SEMA6D: variants seen among roughly 807,000 people sequenced by gnomAD.
SEMA6D encodes the protein semaphorin-6D.
In SEMA6D, 35 loss-of-function variants were observed where a neutral mutation model predicts 106.6. That is an observed-to-expected ratio of 0.33 (90% CI 0.25 to 0.44). The LOEUF (loss-of-function observed/expected upper bound fraction) is 0.44, where lower values mean the gene tolerates loss of function less well. Among genes scored for constraint, SEMA6D ranks in the 20% least tolerant of loss-of-function variants. The pLI is 1.00. For synonymous variants in SEMA6D, 499 were observed against 487.7 expected, an observed-to-expected ratio of 1.02 and a Z score of -0.31; for missense variants, 1,185 against 1,345.9, an observed-to-expected ratio of 0.88 and a Z score of 1.87.
At chr15:47,310,952 T>C (rs1232718637) in intron 1 of SEMA6D, among the ~76,000 whole-genome samples, 1 of 152,220 alleles carries the variant, frequency 6.6e-6, no homozygotes, top group Non-Finnish European at 1.5e-5. Flanking sequence ...ATATACTGCC[T>C]AAATTCTTGG....
At chr15:47,491,653 G>T (rs2043480145) in intron 3 of SEMA6D, among the ~76,000 whole-genome samples, 1 of 152,038 alleles carries the variant, frequency 6.6e-6, no homozygotes. Context: ...ATTTTTAAAT[G>T]GAAATAAGGT....
At chr15:47,259,996 T>TG (rs201956760) in intron 1 of SEMA6D, among the ~76,000 whole-genome samples, 80 of 148,376 alleles carry the variant, frequency 5.4e-4, no homozygotes, top group South Asian at 1.5e-3. Context: ...CCATTTAGCA[T>TG]GTTTTTTTTT....
chr15:47,667,131 C>G (rs1295327291), intron 4 of SEMA6D, among the ~76,000 whole-genome samples: 1 of 152,186 alleles, frequency 6.6e-6, no homozygotes, highest in Non-Finnish European at 1.5e-5. Context: ...ACAACCAAGC[C>G]CCTTCTGCCA....
chr15:47,429,577 T>G (rs1475759319), intron 2 of SEMA6D, among the ~76,000 whole-genome samples: 6 of 152,082 alleles, frequency 3.9e-5, no homozygotes, highest in African/African-American at 1.4e-4. Flanking sequence ...ACCAACAAAA[T>G]TATGCATTGA....
Position 47,617,813 on chromosome 15 carries a change from G to A in SEMA6D, c.-55+16917G>A, listed in dbSNP as rs181602587. ...TTGAGTTAATCTATATAAACACTTA[G>A]AACATTGCCTGGCACAAAGCAAGAG... On this transcript the variant is annotated intron_variant, in intron 4 of 19. Transcript: ENST00000558014. Among the ~76,000 whole-genome samples the A allele has an allele frequency of 3.4e-3, 511 of 152,302 alleles. 1 individual carries two copies. The highest frequency in any genetic ancestry group is 6.8e-3 in the Middle Eastern group (2 of 294).
intron 3 of SEMA6D, among the ~76,000 whole-genome samples, chr15:47,526,339 G>A (rs528021302): frequency 2.0e-5 from 3 of 152,130 alleles, no homozygotes; most frequent in Non-Finnish European, 2.9e-5. Flanking sequence ...AGGAAAGCTG[G>A]AAAGGGGGGT....
At chr15:47,645,605 C>T (rs1355290003) in intron 4 of SEMA6D, among the ~76,000 whole-genome samples, 3 of 152,060 alleles carry the variant, frequency 2.0e-5, no homozygotes, top group Non-Finnish European at 4.4e-5. Context: ...AGCAGTACCT[C>T]AGCGGACACC....
chr15:47,211,263 C>T (rs536623997), intron 1 of SEMA6D, among the ~76,000 whole-genome samples: 1 of 152,206 alleles, frequency 6.6e-6, no homozygotes, highest in East Asian at 1.9e-4. Flanking sequence ...TGGCCATTTT[C>T]ACATAACTGT....
chr15:47,452,461 T>C (rs150527857), intron 2 of SEMA6D, among the ~76,000 whole-genome samples: 1 of 152,132 alleles, frequency 6.6e-6, no homozygotes, highest in East Asian at 1.9e-4. Flanking sequence ...GAATAAATAT[T>C]TATTTTATCT....
At chr15:47,460,728 A>G (rs1413641545) in intron 2 of SEMA6D, among the ~76,000 whole-genome samples, 1 of 152,130 alleles carries the variant, frequency 6.6e-6, no homozygotes, top group African/African-American at 2.4e-5. Context: ...TTAAACTATA[A>G]TAGAATCATC....
rs572151798 is a variant in SEMA6D at position 47,259,508 on chromosome 15, T to C, written c.-239+75090T>C. Among the ~76,000 whole-genome samples the C allele has an allele frequency of 2.0e-5, 3 of 152,250 alleles. No individual in the cohort carries two copies. In the South Asian group the frequency reaches 6.2e-4, roughly 32 times the overall value. ...CTTGAAAAATGTGGTGCCACTTTCT[T>C]CTGGCCTCTCTGGTTTCTGATGAGA... On this transcript the variant is annotated intron_variant, in intron 1 of 19. Coordinates refer to the SEMA6D transcript ENST00000558014.
chr15:47,385,065 T>TTTTTTTTTTTTTTTTTTTTTTTTTTTTTA (rs35758807), intron 1 of SEMA6D, among the ~76,000 whole-genome samples: 1 of 137,156 alleles, frequency 7.3e-6, no homozygotes. Context: ...TTTTTTTTTT[T>TTTTTTTTTTTTTTTTTTTTTTTTTTTTTA]ACCATAGAAC....
intron 3 of SEMA6D, among the ~76,000 whole-genome samples, chr15:47,502,419 T>C (rs548473129): frequency 6.6e-6 from 1 of 152,316 alleles, no homozygotes; most frequent in East Asian, 1.9e-4. Flanking sequence ...GCATGGTCTC[T>C]GTTGTTTTGT....
intron 1 of SEMA6D, among the ~76,000 whole-genome samples, chr15:47,188,119 G>C (rs577210230): frequency 6.6e-6 from 1 of 151,994 alleles, no homozygotes. Context: ...AATGGATATC[G>C]TCAATGTTTA....
chr15:47,428,140 A>G (rs539412606), intron 2 of SEMA6D, among the ~76,000 whole-genome samples: 2 of 152,266 alleles, frequency 1.3e-5, no homozygotes, highest in East Asian at 3.9e-4. Context: ...ATATAGATAA[A>G]TTTAGGTGTA....
At chr15:47,740,985 T>C (rs953439991) in intron 1 of SEMA6D, among the ~76,000 whole-genome samples, 1 of 152,232 alleles carries the variant, frequency 6.6e-6, no homozygotes, top group Non-Finnish European at 1.5e-5. Context: ...AAACTTTTAC[T>C]TATTTATTTT....
chr15:47,258,433 T>A (rs373636487), intron 1 of SEMA6D, among the ~76,000 whole-genome samples: 10 of 152,174 alleles, frequency 6.6e-5, no homozygotes, highest in African/African-American at 2.2e-4. Context: ...AAGATAAAGA[T>A]AATACTTGTC....
chr15:47,747,994 G>C (rs1230087086), intron 1 of SEMA6D, among the ~76,000 whole-genome samples: 1 of 152,202 alleles, frequency 6.6e-6, no homozygotes, highest in Non-Finnish European at 1.5e-5. Flanking sequence ...CCTTCCCTTT[G>C]TTCTGGGAAA....
At chr15:47,450,863 T>C (rs2042169571) in intron 2 of SEMA6D, among the ~76,000 whole-genome samples, 2 of 151,972 alleles carry the variant, frequency 1.3e-5, no homozygotes, top group African/African-American at 4.8e-5. Flanking sequence ...AACCCTACAA[T>C]ATCCTGTGTT....
Sources: gnomAD v4.1 joint callset for allele counts (sites outside exome capture counted in the v4.1 genomes callset) on GRCh38, gnomAD v4.1.1 for gene constraint, MANE v1.5 for transcripts, NCBI Gene and HGNC (gene_info 2026-07-23, HGNC 2026-07-21) for gene names.